The following HEATR3 variants were observed in gnomAD, a reference collection of about 807,000 sequenced individuals.
HEATR3 encodes the protein HEAT repeat containing 3.
HEATR3 carries 56 observed loss-of-function variants against 72.8 expected under a neutral mutation model. The observed-to-expected ratio is 0.77, with a 90% CI of 0.62 to 0.96. The LOEUF (loss-of-function observed/expected upper bound fraction) is 0.96. Among genes scored for constraint, HEATR3 ranks in the 40% least tolerant of loss-of-function variants. HEATR3 has a pLI of 0.00. For synonymous variants in HEATR3, 331 were observed against 318.1 expected (o/e 1.04, Z -0.43); for missense variants, 747 against 831.4 (o/e 0.90, Z 1.25).
At chr16:50,077,406 T>G (rs1448814588) in intron 6 of HEATR3, among the ~76,000 whole-genome samples, 1 of 151,934 alleles carries the variant, frequency 6.6e-6, no homozygotes, top group African/African-American at 2.4e-5. Flanking sequence ...CTGCCCACCT[T>G]GGCCTCCCAA....
intron 3 of HEATR3, among the ~76,000 whole-genome samples, 179 bp downstream of exon 3, chr16:50,069,046 T>TTTA (rs1472649269): frequency 3.3e-5 from 5 of 152,242 alleles, no homozygotes; most frequent in Admixed American, 6.5e-5. Flanking sequence ...ATTTTGTAGC[T>TTTA]TTATTTTTAT....
chr16:50,092,316 A>G (rs1597166674), intron 11 of HEATR3, among the ~76,000 whole-genome samples: 1 of 151,858 alleles, frequency 6.6e-6, no homozygotes, highest in African/African-American at 2.4e-5. Flanking sequence ...CCTGTTAGGT[A>G]CCACGTTTTA....
intron 2 of HEATR3, among the ~76,000 whole-genome samples, chr16:50,067,592 A>G (rs1200567111): frequency 7.5e-6 from 1 of 133,462 alleles, no homozygotes; most frequent in Non-Finnish European, 1.6e-5. Flanking sequence ...GATGAGCTGT[A>G]CGATGGTGTA....
At chr16:50,079,161 G>T in intron 7 of HEATR3, 143 bp downstream of exon 7, 1 of 763,738 alleles carries the variant, frequency 1.3e-6, no homozygotes, top group East Asian at 2.7e-5. Flanking sequence ...TTTTCCTGTT[G>T]ATTCTCTTTA....
chr16:50,075,436 G>T, intron 5 of HEATR3, 135 bp from the exon 6 acceptor site: 1 of 663,524 alleles, frequency 1.5e-6, no homozygotes, highest in Non-Finnish European at 2.6e-6. Context: ...CTGAGATAAA[G>T]CATATATATT....
intron 12 of HEATR3, among the ~76,000 whole-genome samples, chr16:50,099,770 G>A (rs903118198): frequency 1.3e-5 from 2 of 152,148 alleles, no homozygotes; most frequent in African/African-American, 4.8e-5. Context: ...CCACTACATG[G>A]TAGAAGCACC....
intron 11 of HEATR3, among the ~76,000 whole-genome samples, chr16:50,092,756 T>TA (rs1567442787): frequency 7.2e-6 from 1 of 138,746 alleles, no homozygotes; most frequent in Non-Finnish European, 1.6e-5. Flanking sequence ...GTCATTCTTT[T>TA]AGCTTGTATT....
intron 14 of HEATR3, 129 bp from the exon 15 acceptor site, chr16:50,104,810 C>G (rs1334275596): frequency 6.7e-6 from 5 of 742,048 alleles, no homozygotes; most frequent in Non-Finnish European, 1.0e-5. Flanking sequence ...GAAGTAAAAA[C>G]ATTTTTTCCA....
At chr16:50,067,525 G>GA (rs2036524941) in intron 2 of HEATR3, among the ~76,000 whole-genome samples, 2 of 151,934 alleles carry the variant, frequency 1.3e-5, no homozygotes, top group South Asian at 4.2e-4. Context: ...GAGAGGGTAG[G>GA]TAGGTGGCTG....
At chr16:50,087,270 A>G (rs546915623) in intron 11 of HEATR3, among the ~76,000 whole-genome samples, 12 of 152,200 alleles carry the variant, frequency 7.9e-5, no homozygotes, top group Non-Finnish European at 1.8e-4. Context: ...ACACCTTTGC[A>G]TGGTAGGAGC....
rs1480222416 is a variant in HEATR3, at chr16:50,084,291, G to A, written c.1290G>A (p.Lys430=). The A allele has an allele frequency of 6.2e-7, 1 of 1,612,870 alleles. No individual in the cohort carries two copies. The highest frequency in any genetic ancestry group is 8.5e-7 in the Non-Finnish European group (1 of 1,179,712). ...TCACCAACTACCTCATCCCAAAGAA[G>A]GTAATCCATTTTCATTCTAGGCTTA... ...TALTNYLIPK[K]IFEKTAFPNS... is the part of the protein sequence containing the mutation. The change falls in exon 9 of 15, where the codon AAG becomes AAA. Residue 430 remains lysine, a splice_region_variant and synonymous_variant. Coordinates refer to ENST00000299192, the MANE Select transcript of HEATR3 (RefSeq NM_182922.4).
intron 13 of HEATR3, chr16:50,100,746 C>T (rs1338007248): frequency 8.6e-6 from 2 of 233,130 alleles, no homozygotes; most frequent in Non-Finnish European, 8.3e-6. Flanking sequence ...ACACCATTTT[C>T]CTTGCACACC....
intron 5 of HEATR3, chr16:50,073,543 A>G (rs1476214824): frequency 6.6e-6 from 1 of 152,156 alleles, no homozygotes; most frequent in Non-Finnish European, 1.5e-5. Flanking sequence ...CTACTGAGAA[A>G]ATTTTAAAAA....
intron 12 of HEATR3, among the ~76,000 whole-genome samples, chr16:50,098,925 A>G (rs976715362): frequency 7.2e-5 from 11 of 151,944 alleles, no homozygotes; most frequent in African/African-American, 2.7e-4. Context: ...GTTATTGCCA[A>G]TAACACTATT....
intron 13 of HEATR3, among the ~76,000 whole-genome samples, chr16:50,101,106 C>CTTTTTTTTTTTTTTTTTTTT (rs5816674): frequency 1.4e-5 from 2 of 144,342 alleles, no homozygotes; most frequent in Non-Finnish European, 3.0e-5. Flanking sequence ...ACTTGCAAAG[C>CTTTTTTTTTTTTTTTTTTTT]TTTTTTTTTT....
rs1567428815 is a variant in HEATR3 at position 50,075,549 on chromosome 16, ATACT to A, written c.623-19_623-16del. On this transcript the variant is annotated intron_variant, in intron 5 of 14. Coordinates refer to ENST00000299192, the MANE Select transcript of HEATR3 (RefSeq NM_182922.4). ...CAAAGCAGAATTCATTTGTTTCTAA[ATACT>A]TATTTTTTGCCTCGTAGCATATTGT... 3.1e-6 allele frequency: 5 copies of A among 1,599,892 alleles called. No homozygotes were observed. Among genetic ancestry groups the A allele is most frequent in the Non-Finnish European group, 4.3e-6 (5 of 1,168,260 alleles).
intron 12 of HEATR3, among the ~76,000 whole-genome samples, chr16:50,095,264 T>G (rs2037208279): frequency 6.6e-6 from 1 of 151,944 alleles, no homozygotes; most frequent in Non-Finnish European, 1.5e-5. Context: ...CAGGCATGCG[T>G]CACCACAAAA....
chr16:50,071,857 C>A (rs186729551), intron 4 of HEATR3, among the ~76,000 whole-genome samples: 2 of 152,152 alleles, frequency 1.3e-5, no homozygotes, highest in African/African-American at 4.8e-5. Flanking sequence ...ACAATTATTA[C>A]AATTAGCCTT....
intron 11 of HEATR3, among the ~76,000 whole-genome samples, chr16:50,090,899 C>G (rs1226724352): frequency 6.6e-6 from 1 of 151,928 alleles, no homozygotes; most frequent in Non-Finnish European, 1.5e-5. Context: ...AATCCCAGCA[C>G]TTTGATAGGC....
Sources: allele counts gnomAD v4.1 joint callset (sites outside exome capture counted in the v4.1 genomes callset), GRCh38; gene constraint gnomAD v4.1.1; transcripts MANE v1.5; gene names NCBI Gene and HGNC (gene_info 2026-07-23, HGNC 2026-07-21).